Variants in RSPO2 observed in about 807,000 individuals in gnomAD.
The protein encoded by RSPO2 is R-spondin-2.
RSPO2 carries 14 observed loss-of-function variants against 30.9 expected under a neutral mutation model. The observed-to-expected ratio is 0.45, with a 90% CI of 0.30 to 0.71. RSPO2 has a LOEUF of 0.71. Ranked by LOEUF, RSPO2 falls within the 30% of genes least tolerant of loss-of-function variation. RSPO2 has a pLI of 0.08. For synonymous variants in RSPO2, 107 were observed against 96.4 expected, an observed-to-expected ratio of 1.11 and a Z score of -0.64; for missense variants, 264 against 301.9, an observed-to-expected ratio of 0.87 and a Z score of 0.93.
chr8:107,993,669 C>T (rs898311169), intron 2 of RSPO2, among the ~76,000 whole-genome samples: 4 of 152,082 alleles, frequency 2.6e-5, no homozygotes, highest in African/African-American at 7.2e-5. Flanking sequence ...AATTTGGTGG[C>T]TTAAACAACA....
At chr8:108,000,084 A>G in intron 2 of RSPO2, among the ~76,000 whole-genome samples, 1 of 152,224 alleles carries the variant, frequency 6.6e-6, no homozygotes, top group East Asian at 1.9e-4. Flanking sequence ...AATACTTAAT[A>G]ACTACGGTTC....
rs143067505 is a variant in RSPO2 at position 108,030,272 on chromosome 8, C to T, written c.95-41028G>A. Reference sequence around the variant, plus strand: ...TGGAGAAACCCAAGCAGTATTCATTCATGTGACCAAACTACAGCTTCAAGT... The same window carrying T: ...TGGAGAAACCCAAGCAGTATTCATTTATGTGACCAAACTACAGCTTCAAGT... On this transcript the variant is annotated intron_variant, in intron 2 of 5. Coordinates refer to ENST00000276659, the MANE Select transcript of RSPO2 (RefSeq NM_178565.5). 5.6e-3 allele frequency among the ~76,000 whole-genome samples: 848 copies of T among 152,260 alleles called. 2 individuals carry two copies. The highest frequency in any genetic ancestry group is 9.1e-3 in the Non-Finnish European group (616 of 68,010).
chr8:108,000,647 C>G (rs1272172306), intron 2 of RSPO2, among the ~76,000 whole-genome samples: 3 of 151,758 alleles, frequency 2.0e-5, no homozygotes, highest in Non-Finnish European at 4.4e-5. Context: ...AACTGAGAAC[C>G]AGTCAGAGTG....
intron 5 of RSPO2, among the ~76,000 whole-genome samples, chr8:107,903,270 A>C (rs1811535059): frequency 6.6e-6 from 1 of 152,120 alleles, no homozygotes; most frequent in South Asian, 2.1e-4. Flanking sequence ...GTGAATGGAA[A>C]AATAAAGCTT....
At chr8:107,929,895 C>T (rs2130341345) in intron 5 of RSPO2, among the ~76,000 whole-genome samples, 1 of 152,250 alleles carries the variant, frequency 6.6e-6, no homozygotes, top group South Asian at 2.1e-4. Flanking sequence ...GTCTGCCAGA[C>T]TGGATTACCT....
chr8:107,994,635 CT>C (rs1814953997), intron 2 of RSPO2, among the ~76,000 whole-genome samples: 1 of 152,000 alleles, frequency 6.6e-6, no homozygotes, highest in Non-Finnish European at 1.5e-5. Context: ...ATTCATGTAA[CT>C]TTTAGTTTTC....
chr8:108,056,752 T>C (rs754234362), intron 2 of RSPO2, among the ~76,000 whole-genome samples: 2 of 150,810 alleles, frequency 1.3e-5, no homozygotes, highest in African/African-American at 2.4e-5. Context: ...CCATAAATGA[T>C]TCCTAAGATA....
intron 2 of RSPO2, among the ~76,000 whole-genome samples, chr8:108,026,211 G>T (rs1811211256): frequency 6.6e-6 from 1 of 152,146 alleles, no homozygotes; most frequent in South Asian, 2.1e-4. Flanking sequence ...AGAATAACTG[G>T]CCAGGATTCT....
intron 1 of RSPO2, 125 bp downstream of exon 1, chr8:108,083,072 G>C (rs897559634): frequency 3.0e-5 from 5 of 166,242 alleles, no homozygotes; most frequent in African/African-American, 1.2e-4. Flanking sequence ...CGGCGCTCCG[G>C]GGAAAGGAAA....
chr8:107,929,962 T>C (rs1375347655), intron 5 of RSPO2, among the ~76,000 whole-genome samples: 1 of 152,198 alleles, frequency 6.6e-6, no homozygotes, highest in Admixed American at 6.6e-5. Flanking sequence ...ATTTGCCTAC[T>C]TAGTTTAAGA....
chr8:107,991,390 T>G (rs185061449), intron 2 of RSPO2, among the ~76,000 whole-genome samples: 1,870 of 152,056 alleles, frequency 0.012, 19 homozygotes, highest in South Asian at 0.039. Flanking sequence ...ATGCTATATA[T>G]AAAAATTAAC....
chr8:107,929,495 C>A (rs1454185295), intron 5 of RSPO2, among the ~76,000 whole-genome samples: 1 of 152,032 alleles, frequency 6.6e-6, no homozygotes, highest in Non-Finnish European at 1.5e-5. Flanking sequence ...ATAACAGCAC[C>A]CAAGCAAGCA....
At chr8:108,016,296 A>T (rs1417769853) in intron 2 of RSPO2, among the ~76,000 whole-genome samples, 1 of 152,218 alleles carries the variant, frequency 6.6e-6, no homozygotes, top group Non-Finnish European at 1.5e-5. Flanking sequence ...AATCCAGGCA[A>T]CAGAGTATTC....
At chr8:108,009,013 A>G (rs1038914759) in intron 2 of RSPO2, among the ~76,000 whole-genome samples, 12 of 152,188 alleles carry the variant, frequency 7.9e-5, no homozygotes, top group Non-Finnish European at 5.9e-5. Flanking sequence ...GAAAAGATGT[A>G]CAATATATCC....
intron 2 of RSPO2, among the ~76,000 whole-genome samples, chr8:108,016,541 A>G (rs1030835027): frequency 4.0e-5 from 6 of 149,588 alleles, no homozygotes; most frequent in African/African-American, 1.2e-4. Context: ...ACACACAGAG[A>G]AAAAAAACCA....
chr8:107,964,156 A>C (rs1203332786), intron 3 of RSPO2, among the ~76,000 whole-genome samples: 2 of 152,236 alleles, frequency 1.3e-5, no homozygotes, highest in African/African-American at 4.8e-5. Flanking sequence ...CAGGTGGCCC[A>C]TGCATTCAGC....
chr8:107,964,539 T>C (rs1813734952), intron 3 of RSPO2, among the ~76,000 whole-genome samples: 2 of 152,092 alleles, frequency 1.3e-5, no homozygotes, highest in Non-Finnish European at 2.9e-5. Flanking sequence ...CCAAACCCAA[T>C]ATTTTTGAAA....
intron 2 of RSPO2, among the ~76,000 whole-genome samples, chr8:108,032,350 A>G (rs1416330711): frequency 6.6e-6 from 1 of 152,080 alleles, no homozygotes; most frequent in Non-Finnish European, 1.5e-5. Flanking sequence ...TAAATGATGA[A>G]CTCCTTGAGA....
intron 2 of RSPO2, among the ~76,000 whole-genome samples, chr8:108,052,260 C>T (rs1013938363): frequency 3.9e-5 from 6 of 152,214 alleles, no homozygotes; most frequent in African/African-American, 7.2e-5. Context: ...TCTGTGTACA[C>T]GCACATTTTC....
Sources: gnomAD v4.1 joint callset for allele counts (sites outside exome capture counted in the v4.1 genomes callset) on GRCh38, gnomAD v4.1.1 for gene constraint, MANE v1.5 for transcripts, NCBI Gene and HGNC (gene_info 2026-07-23, HGNC 2026-07-21) for gene names.